LGI1: variants seen among roughly 807,000 people sequenced by gnomAD.
The protein encoded by LGI1 is leucine-rich glioma-inactivated protein 1.
A neutral mutation model predicts 57.7 loss-of-function variants in LGI1; 11 were observed. That is an observed-to-expected ratio of 0.19 (90% confidence interval 0.12 to 0.32). LGI1 has a LOEUF of 0.32. Ranked by LOEUF, LGI1 falls within the 10% of genes least tolerant of loss-of-function variation. The probability of loss-of-function intolerance (pLI) is 1.00; values close to 1 mark genes in which losing one functional copy is unlikely to be tolerated. For synonymous variants in LGI1, 222 were observed against 241.9 expected (o/e 0.92, Z 0.76); for missense variants, 422 against 661.9 (o/e 0.64, Z 3.98).
chr10:93,759,021 G>A (rs1295523108), intron 2 of LGI1, 190 bp downstream of exon 2: 7 of 604,302 alleles, frequency 1.2e-5, no homozygotes, highest in Non-Finnish European at 2.0e-5. Context: ...TTCTTACAAT[G>A]GTAAATCTGT....
At chr10:93,779,820 C>A (rs1419174214) in intron 4 of LGI1, among the ~76,000 whole-genome samples, 2 of 152,156 alleles carry the variant, frequency 1.3e-5, no homozygotes, top group Non-Finnish European at 2.9e-5. Context: ...AAAGAGAAGT[C>A]CCACCTCTCT....
At chr10:93,785,145 T>C (rs2059885122) in intron 4 of LGI1, among the ~76,000 whole-genome samples, 1 of 152,184 alleles carries the variant, frequency 6.6e-6, no homozygotes, top group Non-Finnish European at 1.5e-5. Flanking sequence ...CTTTTAAGAA[T>C]ACCAATGCAT....
intron 4 of LGI1, among the ~76,000 whole-genome samples, chr10:93,779,609 A>G (rs2059829018): frequency 6.6e-6 from 1 of 152,184 alleles, no homozygotes; most frequent in African/African-American, 2.4e-5. Flanking sequence ...TAGGACACCC[A>G]TTTTGTTTAC....
At chr10:93,769,303 A>G (rs927269254) in intron 2 of LGI1, 2 of 152,184 alleles carry the variant, frequency 1.3e-5, no homozygotes, top group African/African-American at 4.8e-5. Flanking sequence ...TCATTTACAT[A>G]TACATATACA....
chr10:93,777,866 G>C lies in LGI1; in HGVS notation c.431+249G>C, dbSNP rs189419285. Among the ~76,000 whole-genome samples the C allele has an allele frequency of 5.9e-3, 899 of 152,314 alleles. 9 individuals carry two copies. Among genetic ancestry groups the C allele is most frequent in the African/African-American group, 0.021 (869 of 41,568 alleles). ...GCAATCTAATGCAGGGAAATTGTGTGCCTGAAATAACTTCTTTTATTATCT... is the reference window on the plus strand; with the variant it reads ...GCAATCTAATGCAGGGAAATTGTGTCCCTGAAATAACTTCTTTTATTATCT... On this transcript the variant is annotated intron_variant, in intron 4 of 7. Transcript: ENST00000371418.
At chr10:93,793,822 GTT>G (rs1402762835) in intron 7 of LGI1, 5 of 160,964 alleles carry the variant, frequency 3.1e-5, no homozygotes, top group Non-Finnish European at 6.8e-5. Flanking sequence ...TCTACAAAAT[GTT>G]AATGTATGCC....
At chr10:93,768,623 C>A (rs1478297602) in intron 2 of LGI1, 2 of 152,078 alleles carry the variant, frequency 1.3e-5, no homozygotes, top group Admixed American at 6.5e-5. Flanking sequence ...GAGAGATAAT[C>A]CCAGGAGGAT....
chr10:93,787,545 G>A (rs1020420211), intron 4 of LGI1, among the ~76,000 whole-genome samples: 28 of 152,164 alleles, frequency 1.8e-4, no homozygotes, highest in African/African-American at 5.3e-4. Flanking sequence ...TAGCTTGCAC[G>A]TGGATCATGT....
chr10:93,763,297 G>GAC (rs958805748), intron 2 of LGI1: 39 of 78,110 alleles, frequency 5.0e-4, no homozygotes, highest in Admixed American at 1.0e-3. Flanking sequence ...CACACACACA[G>GAC]ACACACACAC....
chr10:93,794,087 C>T (rs1225986706), intron 7 of LGI1: 1 of 135,060 alleles, frequency 7.4e-6, no homozygotes. Flanking sequence ...GGCACAATCT[C>T]AGCTCACTGC....
intron 5 of LGI1, chr10:93,792,132 G>A (rs1589772343): frequency 6.6e-6 from 1 of 152,110 alleles, no homozygotes; most frequent in Admixed American, 6.5e-5. Flanking sequence ...ATTGGAAAAT[G>A]TTAAGTACGC....
In LGI1 at chr10:93,758,197, G is replaced by A. The variant is rs749410655; in HGVS notation, c.53G>A (p.Arg18Lys). The A allele has an allele frequency of 1.9e-6, 3 of 1,614,184 alleles. No homozygotes were observed. In the Admixed American group the frequency reaches 5.0e-5, roughly 27 times the overall value. ...RMGNACIPLK[R>K]IAYFLCLLSA... Reference sequence around the variant, plus strand: ...GGAAATGCCTGCATTCCCCTGAAAAGAATTGCTTATTTCCTATGTCTCTTA... The same window carrying A: ...GGAAATGCCTGCATTCCCCTGAAAAAAATTGCTTATTTCCTATGTCTCTTA... The change falls in exon 1 of 8, where the codon AGA becomes AAA. Residue 18 changes from arginine (R) to lysine (K), a missense_variant. Physicochemically the swap from Arg to Lys is conservative, Grantham distance 26. Around this residue, in one of 3 missense-constraint regions of LGI1, gnomAD observed 58 missense variants for 61.8 expected, o/e 0.94. Coordinates refer to ENST00000371418, the MANE Select transcript of LGI1 (RefSeq NM_005097.4). This position sits in a 1 kb window ranked among gnomAD's most constrained non-coding sequence, Gnocchi z 4.7.
intron 2 of LGI1, chr10:93,763,736 C>A (rs569341621): frequency 1.3e-5 from 2 of 152,246 alleles, no homozygotes; most frequent in African/African-American, 4.8e-5. Flanking sequence ...AGATTTCCAG[C>A]ATACCAGATT....
chr10:93,793,805 C>T (rs558016529), intron 7 of LGI1: 118 of 162,842 alleles, frequency 7.2e-4, no homozygotes, highest in Middle Eastern at 3.1e-3. Flanking sequence ...GTTACACAAA[C>T]GTGTCTTCTA....
chr10:93,786,723 A>G (rs184341481), intron 4 of LGI1, among the ~76,000 whole-genome samples: 1 of 17,254 alleles, frequency 5.8e-5, no homozygotes, highest in African/African-American at 6.0e-5. Flanking sequence ...AGCCTCCCAG[A>G]GTAACTAGGA....
At chr10:93,767,426 T>A (rs1278599728) in intron 2 of LGI1, 1 of 152,226 alleles carries the variant, frequency 6.6e-6, no homozygotes, top group Non-Finnish European at 1.5e-5. Flanking sequence ...TGAAGTTACC[T>A]TGGCATAGAA....
rs113110265 is a variant in LGI1 at position 93,776,982 on chromosome 10, G to A, written c.288-397G>A. On this transcript the variant is annotated intron_variant, in intron 2 of 7. Transcript: ENST00000371418. ...TTTTAGGTTTCCCAGGCTCAAAACC[G>A]CAAAGTACCATTGTTTTTGCCAGTT... 1,293 of 219,334 alleles carry A rather than the reference G, an allele frequency of 5.9e-3. 11 individuals are homozygous for A. The highest frequency in any genetic ancestry group is 0.026 in the African/African-American group (1,133 of 42,958). The allele number at this position is 219,334 out of a possible 1,614,324, so 13.6% of individuals were successfully genotyped here.
At chr10:93,790,448 G>T (rs949815246) in intron 5 of LGI1, 5 of 399,932 alleles carry the variant, frequency 1.3e-5, no homozygotes, top group Non-Finnish European at 1.8e-5. Flanking sequence ...ACTTTGACGG[G>T]GTGGGAAGAG....
At chr10:93,790,762 A>T (rs1357261974) in intron 5 of LGI1, 1 of 152,602 alleles carries the variant, frequency 6.6e-6, no homozygotes, top group Non-Finnish European at 1.5e-5. Flanking sequence ...TCAAACTTTG[A>T]CTTTTAAGCC....
Sources: allele counts gnomAD v4.1 joint callset (sites outside exome capture counted in the v4.1 genomes callset), GRCh38; gene constraint gnomAD v4.1.1; regional missense constraint gnomAD v4.1.1; non-coding constraint Gnocchi (gnomAD v3.1); transcripts MANE v1.5; gene names NCBI Gene and HGNC (gene_info 2026-07-23, HGNC 2026-07-21).